DMC1: variants seen among roughly 807,000 people sequenced by gnomAD.
DMC1 encodes the protein DNA meiotic recombinase 1, also known as meiotic recombination protein DMC1 homolog.
A neutral mutation model predicts 50.1 loss-of-function variants in DMC1; 27 were observed. The ratio of observed to expected loss-of-function variants is 0.54; its 90% confidence interval spans 0.40 to 0.74. The LOEUF is 0.74. Ranked by LOEUF, DMC1 falls within the 30% of genes least tolerant of loss-of-function variation. The pLI, the probability that DMC1 is intolerant of heterozygous loss-of-function variation, is 0.00. For missense variants in DMC1, 295 were observed against 420.2 expected (o/e 0.70, Z 2.60); for synonymous variants, 148 against 136.1 (o/e 1.09, Z -0.61).
At chr22:38,546,487 C>T (rs938463277) in intron 8 of DMC1, among the ~76,000 whole-genome samples, 1 of 152,138 alleles carries the variant, frequency 6.6e-6, no homozygotes, top group Admixed American at 6.5e-5. Flanking sequence ...TCAATTGTTT[C>T]TGAAACCAGC....
At chr22:38,551,849 C>A (rs1251485951) in intron 7 of DMC1, among the ~76,000 whole-genome samples, 2 of 147,596 alleles carry the variant, frequency 1.4e-5, no homozygotes, top group Non-Finnish European at 3.0e-5. Context: ...GATTCCAGAA[C>A]TCCTTTCTTT....
intron 12 of DMC1, among the ~76,000 whole-genome samples, chr22:38,526,430 G>A (rs965903570): frequency 1.3e-5 from 2 of 151,768 alleles, no homozygotes; most frequent in African/African-American, 4.8e-5. Flanking sequence ...GGCTGGTCTC[G>A]AACTCCTGAC....
At chr22:38,538,245 G>T in intron 11 of DMC1, 50 bp downstream of exon 11, 1 of 1,475,430 alleles carries the variant, frequency 6.8e-7, no homozygotes, top group Non-Finnish European at 9.5e-7. Flanking sequence ...TCTCTGCAAA[G>T]TATACTTGAC....
chr22:38,544,397 C>T (rs368678587), intron 8 of DMC1, among the ~76,000 whole-genome samples: 89 of 152,288 alleles, frequency 5.8e-4, no homozygotes, highest in African/African-American at 2.1e-3. Context: ...TGTGTCTCAC[C>T]TATCTGTGAC....
At position 38,520,011 on chromosome 22, in the gene DMC1, A is replaced by C. The variant is rs754963504; in HGVS notation, c.*9T>G. 6.2e-7 allele frequency: 1 copy of C among 1,612,996 alleles called. No homozygotes were observed. Among genetic ancestry groups the C allele is most frequent in the Non-Finnish European group, 8.5e-7 (1 of 1,179,102 alleles). On this transcript the variant is annotated 3_prime_UTR_variant, in exon 14 of 14. Transcript: ENST00000216024. ...AAGCACTAAGAAGCAATTTGCATCAATTCACCACCTACTCCTTGGCATCCC... is the reference window on the plus strand; with the variant it reads ...AAGCACTAAGAAGCAATTTGCATCACTTCACCACCTACTCCTTGGCATCCC...
At chr22:38,551,609 T>A in intron 7 of DMC1, among the ~76,000 whole-genome samples, 1 of 151,166 alleles carries the variant, frequency 6.6e-6, no homozygotes, top group Non-Finnish European at 1.5e-5. Context: ...GGATTACAGG[T>A]GTGAGCCACC....
intron 5 of DMC1, 131 bp from the exon 6 acceptor site, chr22:38,555,540 C>T (rs2090461077): frequency 3.1e-6 from 2 of 635,440 alleles, no homozygotes; most frequent in Non-Finnish European, 5.7e-6. Context: ...ACCTATCTAT[C>T]TACAGAACAT....
intron 13 of DMC1, 60 bp downstream of exon 13, chr22:38,521,539 ACACACACAC>A: frequency 5.5e-5 from 2 of 36,456 alleles, no homozygotes; most frequent in Non-Finnish European, 1.1e-4. Flanking sequence ...CCCCGTCTCT[ACACACACAC>A]ACACACACAC....
chr22:38,533,559 T>G (rs2090179043), intron 12 of DMC1, among the ~76,000 whole-genome samples: 1 of 152,212 alleles, frequency 6.6e-6, no homozygotes, highest in Non-Finnish European at 1.5e-5. Flanking sequence ...AAATATCTTT[T>G]AATATATCTG....
intron 5 of DMC1, among the ~76,000 whole-genome samples, chr22:38,556,877 C>G (rs2145971648): frequency 6.6e-6 from 1 of 152,158 alleles, no homozygotes; most frequent in African/African-American, 2.4e-5. Flanking sequence ...AAGTTATCCA[C>G]AAATTTAGTG....
At position 38,543,035 on chromosome 22, in the gene DMC1, C is replaced by A. The variant is rs570558008; in HGVS notation, c.495-3623G>T. 3.3e-5 allele frequency among the ~76,000 whole-genome samples: 5 copies of A among 152,184 alleles called. No individual in the cohort carries two copies. The South Asian group carries it at 8.3e-4, about 25-fold the overall frequency. On this transcript the variant is annotated intron_variant, in intron 8 of 13. Coordinates refer to ENST00000216024, the MANE Select transcript of DMC1 (RefSeq NM_007068.4). Reference sequence around the variant, plus strand: ...AATGAAATTAGACCCCTATCTCTCACCATATACAAAAATCAAATAAAAATG... The same window carrying A: ...AATGAAATTAGACCCCTATCTCTCAACATATACAAAAATCAAATAAAAATG...
chr22:38,524,414 T>G (rs957586231), intron 12 of DMC1, among the ~76,000 whole-genome samples: 3 of 151,554 alleles, frequency 2.0e-5, no homozygotes, highest in Admixed American at 1.3e-4. Context: ...AGATTCCGTC[T>G]CAAAAAAATA....
At chr22:38,540,073 T>C (rs1261061322) in intron 8 of DMC1, among the ~76,000 whole-genome samples, 1 of 152,214 alleles carries the variant, frequency 6.6e-6, no homozygotes, top group Non-Finnish European at 1.5e-5. Flanking sequence ...TTTCTTTTTC[T>C]TTTCAAATCT....
At chr22:38,532,478 C>T (rs920217843) in intron 12 of DMC1, among the ~76,000 whole-genome samples, 7 of 151,000 alleles carry the variant, frequency 4.6e-5, no homozygotes, top group Non-Finnish European at 7.4e-5. Flanking sequence ...CGCGCATTTA[C>T]GCCCGGCTAA....
chr22:38,515,074 G>A (rs1049086458), downstream of DMC1, among the ~76,000 whole-genome samples: 9 of 150,410 alleles, frequency 6.0e-5, no homozygotes, highest in Non-Finnish European at 1.3e-4. Context: ...CACCTTGTTG[G>A]TCAGGCTGGT....
intron 1 of DMC1, 48 bp from the exon 2 acceptor site, chr22:38,568,337 G>A: frequency 7.1e-7 from 1 of 1,398,742 alleles, no homozygotes; most frequent in Non-Finnish European, 1.0e-6. Flanking sequence ...TTGTCCAGGG[G>A]CCTCTGATTT....
At chr22:38,557,160 A>G (rs1425606780) in intron 5 of DMC1, among the ~76,000 whole-genome samples, 1 of 152,174 alleles carries the variant, frequency 6.6e-6, no homozygotes, top group Admixed American at 6.6e-5. Context: ...TCTTCCTGAG[A>G]AAAATTACCC....
At chr22:38,510,716 A>C in the DMC1 span, among the ~76,000 whole-genome samples, 1 of 152,204 alleles carries the variant, frequency 6.6e-6, no homozygotes, top group South Asian at 2.1e-4. Context: ...GTTGTTTTTT[A>C]ACCATGAAGG....
At chr22:38,524,963 A>G (rs2090071685) in intron 12 of DMC1, among the ~76,000 whole-genome samples, 1 of 152,150 alleles carries the variant, frequency 6.6e-6, no homozygotes, top group Non-Finnish European at 1.5e-5. Context: ...CAGGAGGCGG[A>G]GGCAGGAGAA....
Sources: allele counts gnomAD v4.1 joint callset (sites outside exome capture counted in the v4.1 genomes callset), GRCh38; gene constraint gnomAD v4.1.1; transcripts MANE v1.5; gene names NCBI Gene and HGNC (gene_info 2026-07-23, HGNC 2026-07-21).